Variants in ZNF148 observed in about 807,000 individuals in gnomAD.
The protein encoded by ZNF148 is Beta-Enolase Repressor Factor-1.
A neutral mutation model predicts 67.7 loss-of-function variants in ZNF148; 7 were observed. The ratio of observed to expected loss-of-function variants is 0.10; its 90% CI spans 0.06 to 0.19. The LOEUF (loss-of-function observed/expected upper bound fraction) is 0.19. Ranked by LOEUF, ZNF148 falls within the 10% of genes least tolerant of loss-of-function variation. The pLI is 1.00. For missense variants in ZNF148, 583 were observed against 947.1 expected (o/e 0.62, Z 5.05); for synonymous variants, 333 against 330.7 (o/e 1.01, Z -0.08).
chr3:125,243,297 G>A lies in ZNF148; in HGVS notation c.668-8968C>T, dbSNP rs147717072. ...TATATCTTCTATTCCCTGCGTATGT[G>A]TGTGTGGCTATACAAAGGGTATGGT... On this transcript the variant is annotated intron_variant, in intron 7 of 8. Transcript: ENST00000360647. Among the ~76,000 whole-genome samples, 330 of 152,224 alleles carry A rather than the reference G, an allele frequency of 2.2e-3. 1 individual carries two copies. Among genetic ancestry groups the A allele is most frequent in the African/African-American group, 7.4e-3 (309 of 41,524 alleles).
At chr3:125,283,999 G>A (rs1446293886) in intron 5 of ZNF148, among the ~76,000 whole-genome samples, 1 of 152,016 alleles carries the variant, frequency 6.6e-6, no homozygotes, top group African/African-American at 2.4e-5. Context: ...AGAGATCCTG[G>A]CACATAACAG....
chr3:125,293,846 C>T (rs1939146678), intron 4 of ZNF148, among the ~76,000 whole-genome samples: 1 of 152,038 alleles, frequency 6.6e-6, no homozygotes, highest in Admixed American at 6.6e-5. Flanking sequence ...ACAGGCAAGG[C>T]CCACCAATAG....
At chr3:125,275,767 A>T (rs1579681627) in intron 7 of ZNF148, among the ~76,000 whole-genome samples, 2 of 152,120 alleles carry the variant, frequency 1.3e-5, no homozygotes, top group East Asian at 1.9e-4. Context: ...GCACTTTTTT[A>T]AAAAAAGAAT....
chr3:125,327,145 T>C (rs1025285462), intron 2 of ZNF148, among the ~76,000 whole-genome samples: 1 of 152,024 alleles, frequency 6.6e-6, no homozygotes, highest in Admixed American at 6.5e-5. Context: ...TTTAAGACTA[T>C]AGAGACAAAG....
intron 1 of ZNF148, among the ~76,000 whole-genome samples, chr3:125,362,775 G>A (rs149163400): frequency 3.5e-4 from 53 of 152,046 alleles, no homozygotes; most frequent in African/African-American, 1.3e-3. Flanking sequence ...GCATGGTCTC[G>A]AACTCCTGAG....
chr3:125,261,767 C>G (rs1463662893), intron 7 of ZNF148, among the ~76,000 whole-genome samples: 1 of 146,710 alleles, frequency 6.8e-6, no homozygotes, highest in African/African-American at 2.5e-5. Flanking sequence ...ACCAAGAAAA[C>G]AGAGGTCTAA....
chr3:125,316,047 C>T (rs748528157), intron 3 of ZNF148, among the ~76,000 whole-genome samples: 25 of 152,170 alleles, frequency 1.6e-4, no homozygotes, highest in Non-Finnish European at 3.1e-4. Flanking sequence ...TCTCTATATC[C>T]ATGAGTTCAA....
chr3:125,233,051 A>G lies in ZNF148; in HGVS notation c.1675T>C (p.Ser559Pro), dbSNP rs754700727. ...ACTTCAGTATCTGCAACACTGAAGG[A>G]TATCTCATGCTGTCCATTAGCTTTG... ...SHKANGQHEISFSVADTEVTS... is the reference protein window; with the variant it reads ...SHKANGQHEIPFSVADTEVTS... The change falls in exon 9 of 9, where the codon TCC becomes CCC. Residue 559 changes from serine to proline, a missense_variant. Ser to Pro is a moderately conservative substitution (Grantham distance 74). Coordinates refer to ENST00000360647, the MANE Select transcript of ZNF148 (RefSeq NM_021964.3). This position sits in a 1 kb window ranked among gnomAD's most constrained non-coding sequence, Gnocchi z 5.1. 2 of 1,613,522 alleles carry G rather than the reference A, an allele frequency of 1.2e-6. No homozygotes were observed. Among genetic ancestry groups the G allele is most frequent in the Non-Finnish European group, 1.7e-6 (2 of 1,179,870 alleles).
chr3:125,280,656 G>A (rs1938329190), intron 5 of ZNF148, among the ~76,000 whole-genome samples: 1 of 138,770 alleles, frequency 7.2e-6, no homozygotes, highest in Non-Finnish European at 1.5e-5. Context: ...ACTCCAGCCT[G>A]GGCAATACAG....
chr3:125,234,598 T>C (rs558011132), intron 7 of ZNF148, among the ~76,000 whole-genome samples: 1 of 152,324 alleles, frequency 6.6e-6, no homozygotes, highest in South Asian at 2.1e-4. Context: ...GCCAGGAATT[T>C]ATAGCAATAT....
chr3:125,314,083 TAA>T (rs568553730), intron 3 of ZNF148, among the ~76,000 whole-genome samples: 83 of 152,046 alleles, frequency 5.5e-4, no homozygotes, highest in Non-Finnish European at 1.1e-3. Context: ...ATTAAGCATA[TAA>T]AAAAGAGTCT....
intron 5 of ZNF148, among the ~76,000 whole-genome samples, chr3:125,285,592 C>T (rs1351255921): frequency 6.6e-6 from 1 of 151,894 alleles, no homozygotes; most frequent in African/African-American, 2.4e-5. Context: ...CAGGGTTCCA[C>T]AATGTTGCCC....
chr3:125,284,991 C>T (rs1369472950), intron 5 of ZNF148, among the ~76,000 whole-genome samples: 1 of 151,258 alleles, frequency 6.6e-6, no homozygotes, highest in Non-Finnish European at 1.5e-5. Flanking sequence ...TCCATGGCAG[C>T]TAAAGATGGA....
intron 7 of ZNF148, among the ~76,000 whole-genome samples, chr3:125,268,237 C>CAA (rs58334196): frequency 0.41 from 56,463 of 136,342 alleles, 12,275 homozygotes; most frequent in African/African-American, 0.48. Context: ...TATATAGAAC[C>CAA]AAAAAAAAAA....
chr3:125,318,623 A>G (rs528783326), intron 3 of ZNF148, among the ~76,000 whole-genome samples: 228 of 152,330 alleles, frequency 1.5e-3, no homozygotes, highest in Middle Eastern at 3.4e-3. Context: ...TTTATCTTGT[A>G]GAGACCTTAG....
intron 3 of ZNF148, among the ~76,000 whole-genome samples, chr3:125,319,985 A>C (rs941281085): frequency 4.6e-5 from 7 of 151,788 alleles, no homozygotes; most frequent in African/African-American, 1.7e-4. Flanking sequence ...TTAGCTGACT[A>C]CTCCACCTCA....
In ZNF148 at chr3:125,351,322, C is replaced by T. The variant is rs185585759; in HGVS notation, c.-233-20084G>A. ...GTTTAAGCCCAGAAGGTTGAGACTG[C>T]AATCTGTTACCGTGCCACCGCACTC... On this transcript the variant is annotated intron_variant, in intron 1 of 8. Coordinates refer to ENST00000360647, the MANE Select transcript of ZNF148 (RefSeq NM_021964.3). Among the ~76,000 whole-genome samples the T allele has an allele frequency of 7.6e-5, 10 of 131,306 alleles. No homozygotes were observed. The Admixed American group carries it at 8.2e-4, about 11-fold the overall frequency. 86.1% of individuals were successfully genotyped at this position (131,306 alleles called of 152,430 possible).
chr3:125,363,679 C>T (rs1226904045), intron 1 of ZNF148, among the ~76,000 whole-genome samples: 1 of 149,950 alleles, frequency 6.7e-6, no homozygotes, highest in South Asian at 2.1e-4. Context: ...TTTTTTGAGA[C>T]AGGGTCTCCC....
At chr3:125,346,911 A>G (rs915926529) in intron 1 of ZNF148, among the ~76,000 whole-genome samples, 9 of 151,938 alleles carry the variant, frequency 5.9e-5, no homozygotes, top group East Asian at 1.9e-4. Context: ...TAATATTGGG[A>G]AAAAAAACTG....
Sources: gnomAD v4.1 joint callset for allele counts (sites outside exome capture counted in the v4.1 genomes callset) on GRCh38, gnomAD v4.1.1 for gene constraint, Gnocchi (gnomAD v3.1) non-coding constraint, MANE v1.5 for transcripts, NCBI Gene and HGNC (gene_info 2026-07-23, HGNC 2026-07-21) for gene names.